The following C4orf50 variants were observed in gnomAD, a reference collection of about 807,000 sequenced individuals.
C4orf50 encodes the protein chromosome 4 open reading frame 50.
A neutral mutation model predicts 77.2 loss-of-function variants in C4orf50; 80 were observed. The ratio of observed to expected loss-of-function variants is 1.04; its 90% CI spans 0.87 to 1.25. The LOEUF (loss-of-function observed/expected upper bound fraction) is 1.25. C4orf50 is among the 50% of genes most tolerant of loss of function. The probability of loss-of-function intolerance (pLI) is 0.00; values close to 1 mark genes in which losing one functional copy is unlikely to be tolerated. For synonymous variants in C4orf50, 532 were observed against 465.3 expected (o/e 1.14, Z -1.84); for missense variants, 1,257 against 1,152.9 (o/e 1.09, Z -1.31).
chr4:5,899,961 C>T (rs1716275926), intron 7 of C4orf50: 1 of 152,168 alleles, frequency 6.6e-6, no homozygotes. Flanking sequence ...GGCTGCAGCC[C>T]CTCTTACCCT....
chr4:6,004,211 G>GGTGATGGTGATGAT (rs1560598746), intron 25 of C4orf50, among the ~76,000 whole-genome samples: 1 of 69,220 alleles, frequency 1.4e-5, no homozygotes, highest in Non-Finnish European at 3.1e-5. Context: ...TGGTGATGAT[G>GGTGATGGTGATGAT]GTGATGGTGA....
chr4:5,929,470 A>C (rs1360620619), intron 7 of C4orf50, among the ~76,000 whole-genome samples: 3 of 152,172 alleles, frequency 2.0e-5, no homozygotes, highest in African/African-American at 7.2e-5. Flanking sequence ...TTTTATGCTC[A>C]ATATGAAATA....
In C4orf50 at chr4:5,932,052, C is replaced by T. The variant is rs1412256792; in HGVS notation, c.*2474+24849G>A. ...TGCTAAGCTCTTCCCAACGCCCCCC[C>T]GCCCCCCACCCCTGCCAACTGTCTC... On this transcript the variant is annotated intron_variant, in intron 7 of 7. Transcript: ENST00000324058. This position sits in a 1 kb window ranked among gnomAD's most constrained non-coding sequence, Gnocchi z 4.2. Among the ~76,000 whole-genome samples the T allele has an allele frequency of 1.6e-5, 2 of 126,070 alleles. No homozygotes were observed. Among genetic ancestry groups the T allele is most frequent in the East Asian group, 2.9e-4 (1 of 3,476 alleles). 82.7% of individuals were successfully genotyped at this position (126,070 alleles called of 152,430 possible).
At chr4:5,909,231 C>A (rs1461078945) in intron 7 of C4orf50, among the ~76,000 whole-genome samples, 1 of 152,204 alleles carries the variant, frequency 6.6e-6, no homozygotes, top group Non-Finnish European at 1.5e-5. Context: ...GCAGGGACCA[C>A]ATGACCTCCT....
At chr4:5,989,324 G>A in exon 28 of C4orf50, 7 of 1,536,034 alleles carry the variant, frequency 4.6e-6, no homozygotes, top group Non-Finnish European at 6.1e-6. Context: ...CCCTGTGGAG[G>A]GTTTGGGCTG....
chr4:5,962,756 G>A (rs1719341013), intron 33 of C4orf50, among the ~76,000 whole-genome samples: 1 of 152,178 alleles, frequency 6.6e-6, no homozygotes, highest in African/African-American at 2.4e-5. Context: ...ATATCTATTT[G>A]GTGGGCCCTT....
intron 28 of C4orf50, among the ~76,000 whole-genome samples, chr4:5,986,291 T>C (rs1276566768): frequency 1.3e-5 from 2 of 152,164 alleles, no homozygotes; most frequent in East Asian, 1.9e-4. Context: ...TAAAATAATA[T>C]ACTGTATATT....
chr4:5,967,620 T>C lies in C4orf50; in HGVS notation c.4105-158A>G, dbSNP rs116735796. On this transcript the variant is annotated intron_variant, in intron 31 of 33. Transcript: ENST00000531445. ...CTGCCTGTGTGCATGAAGACCTCCCTCCTCTTCTCTCCAGGATGCTCAAAG... is the reference window on the plus strand; with the variant it reads ...CTGCCTGTGTGCATGAAGACCTCCCCCCTCTTCTCTCCAGGATGCTCAAAG... 3.8e-3 allele frequency among the ~76,000 whole-genome samples: 549 copies of C among 146,356 alleles called. 2 individuals carry two copies. The highest frequency in any genetic ancestry group is 0.014 in the African/African-American group (526 of 38,642).
intron 25 of C4orf50, among the ~76,000 whole-genome samples, chr4:6,002,008 A>G (rs980359584): frequency 1.3e-5 from 2 of 152,240 alleles, no homozygotes; most frequent in Non-Finnish European, 2.9e-5. Flanking sequence ...GTCATCTGCC[A>G]CATAACTTTG....
chr4:6,008,686 G>A lies in C4orf50; in HGVS notation c.427-154C>T, dbSNP rs1722357702. On this transcript the variant is annotated intron_variant, in intron 24 of 33. Coordinates refer to ENST00000531445, the Ensembl canonical transcript of C4orf50. This position sits in a 1 kb window ranked among gnomAD's most constrained non-coding sequence, Gnocchi z 6.0. ...TAGTGCATCAAAGTATTATCTCTTT[G>A]ACTGTTTTGGCATCCTCTTAAATTT... Among the ~76,000 whole-genome samples, 1 of 152,180 alleles carries A rather than the reference G, an allele frequency of 6.6e-6. No homozygotes were observed. The highest frequency in any genetic ancestry group is 6.5e-5 in the Admixed American group (1 of 15,278).
At chr4:5,899,347 C>A (rs1054394150) in intron 7 of C4orf50, 3 of 152,216 alleles carry the variant, frequency 2.0e-5, no homozygotes, top group African/African-American at 7.2e-5. Flanking sequence ...CCAAGAGATT[C>A]ATTTAGTGTG....
At chr4:5,933,068 C>T (rs1717836409) in intron 7 of C4orf50, among the ~76,000 whole-genome samples, 1 of 151,978 alleles carries the variant, frequency 6.6e-6, no homozygotes. Flanking sequence ...ACACCAGAGC[C>T]CTGGACGGGA....
At position 5,998,371 on chromosome 4, in the gene C4orf50, C is replaced by CT. The variant is rs112502542; in HGVS notation, c.964-3896dup. Among the ~76,000 whole-genome samples, 1,299 of 152,124 alleles carry CT rather than the reference C, an allele frequency of 8.5e-3. 15 individuals carry two copies. Among genetic ancestry groups the CT allele is most frequent in the African/African-American group, 0.029 (1,219 of 41,540 alleles). ...TTATTTTTCGACATTATTGACACTG[C>CT]TTTTTTTTTAAAAGCTCTTGCTTGC... On this transcript the variant is annotated intron_variant, in intron 25 of 33. Coordinates refer to ENST00000531445, the Ensembl canonical transcript of C4orf50.
intron 7 of C4orf50, among the ~76,000 whole-genome samples, chr4:5,911,564 G>A (rs187946958): frequency 7.2e-5 from 11 of 152,328 alleles, no homozygotes; most frequent in Admixed American, 2.0e-4. Context: ...GACAAAACAT[G>A]CAGAAAGGCC....
At chr4:5,927,309 G>A (rs572072555) in intron 7 of C4orf50, among the ~76,000 whole-genome samples, 2 of 152,076 alleles carry the variant, frequency 1.3e-5, no homozygotes, top group South Asian at 2.1e-4. Context: ...GACACTGACC[G>A]CTCCCCACTC....
In C4orf50 at chr4:5,975,940, T is replaced by A. The variant is rs768949850; in HGVS notation, c.3880A>T (p.Lys1294Ter). Residue 1294 changes from lysine to a stop codon, truncating the protein, a stop_gained, in exon 30 of 34, where the codon AAA becomes TAA. Transcript: ENST00000531445. LOFTEE classifies it high-confidence loss of function. Reference sequence around the variant, plus strand: ...GCCAACTTTGCTTCATGTTGCTTTTTCTGAAGTTCTTCAAGCTGAAATAAA... The same window carrying A: ...GCCAACTTTGCTTCATGTTGCTTTTACTGAAGTTCTTCAAGCTGAAATAAA... 2 of 1,613,992 alleles carry A rather than the reference T, an allele frequency of 1.2e-6. No homozygotes were observed. Among genetic ancestry groups the A allele is most frequent in the East Asian group, 2.2e-5 (1 of 44,884 alleles).
intron 30 of C4orf50, among the ~76,000 whole-genome samples, chr4:5,974,266 G>A (rs1038913036): frequency 4.6e-5 from 7 of 152,136 alleles, no homozygotes; most frequent in Admixed American, 3.3e-4. Flanking sequence ...CTCACATTTC[G>A]ATAGCACTTT....
intron 7 of C4orf50, among the ~76,000 whole-genome samples, chr4:5,938,294 A>G (rs1718119744): frequency 1.3e-5 from 2 of 152,226 alleles, no homozygotes; most frequent in African/African-American, 4.8e-5. Context: ...ACATATTAAG[A>G]ATTTGAAAGT....
intron 7 of C4orf50, among the ~76,000 whole-genome samples, chr4:5,911,816 G>C (rs748398226): frequency 2.1e-4 from 32 of 152,232 alleles, no homozygotes; most frequent in Non-Finnish European, 4.4e-4. Context: ...GAGAGGCCCA[G>C]GCGGGCCGAT....
Sources: allele counts gnomAD v4.1 joint callset (sites outside exome capture counted in the v4.1 genomes callset), GRCh38; gene constraint gnomAD v4.1.1; non-coding constraint Gnocchi (gnomAD v3.1); transcripts MANE v1.5; gene names NCBI Gene and HGNC (gene_info 2026-07-23, HGNC 2026-07-21).